Variants in CRADD observed in about 807,000 individuals in gnomAD.
The protein encoded by CRADD is death domain-containing protein CRADD.
In CRADD, 9 loss-of-function variants were observed where a neutral mutation model predicts 15.5. The observed-to-expected ratio is 0.58, with a 90% CI of 0.35 to 1.01. CRADD has a LOEUF of 1.01. CRADD is among the 50% of genes least tolerant of loss of function. The pLI, the probability that CRADD is intolerant of heterozygous loss-of-function variation, is 0.02. For missense variants in CRADD, 227 were observed against 250.3 expected (o/e 0.91, Z 0.63); for synonymous variants, 118 against 107.6 (o/e 1.10, Z -0.60).
intron 2 of CRADD, among the ~76,000 whole-genome samples, chr12:93,800,862 A>G (rs1957470180): frequency 1.3e-5 from 2 of 152,170 alleles, no homozygotes; most frequent in Non-Finnish European, 2.9e-5. Context: ...CTATCTGGGC[A>G]CCCCTTAAGC....
chr12:93,774,729 CAT>C (rs1197754698), intron 2 of CRADD, among the ~76,000 whole-genome samples: 1 of 152,172 alleles, frequency 6.6e-6, no homozygotes, highest in East Asian at 1.9e-4. Flanking sequence ...CTCACTCACT[CAT>C]GTGTTTAAAT....
chr12:93,683,061 G>C (rs1313239795), intron 2 of CRADD, among the ~76,000 whole-genome samples: 1 of 152,180 alleles, frequency 6.6e-6, no homozygotes, highest in African/African-American at 2.4e-5. Flanking sequence ...GGACAGTGCC[G>C]TGTCTGGGTG....
chr12:93,870,413 C>T (rs2137065777), intron 2 of CRADD, among the ~76,000 whole-genome samples: 1 of 152,244 alleles, frequency 6.6e-6, no homozygotes, highest in South Asian at 2.1e-4. Flanking sequence ...AGGACGGGAC[C>T]TTCCTCTCCC....
In CRADD at chr12:93,885,085, G is replaced by C. The variant is rs141591374; in HGVS notation, c.299-8965G>C. Among the ~76,000 whole-genome samples, 34 of 152,286 alleles carry C rather than the reference G, an allele frequency of 2.2e-4. No individual in the cohort carries two copies. The East Asian group carries it at 6.6e-3, about 29-fold the overall frequency. ...GACAAGTCCTTTTTCCTGTACAGAA[G>C]GTATTGTCTTCCCTGTTTTTCGTAT... On this transcript the variant is annotated intron_variant, in intron 2 of 2. Transcript: ENST00000548483.
At chr12:93,846,617 C>CACACAT (rs1555228801) in intron 2 of CRADD, 2,734 of 151,690 alleles carry the variant, frequency 0.018, 62 homozygotes, top group African/African-American at 0.047. Flanking sequence ...CACACACACA[C>CACACAT]ACACACACGA....
At chr12:93,738,491 C>A (rs1481760273) in intron 2 of CRADD, 1 of 702,092 alleles carries the variant, frequency 1.4e-6, no homozygotes, top group South Asian at 1.5e-5. Context: ...GGCCCCTTCA[C>A]TGGGACTGCA....
intron 2 of CRADD, among the ~76,000 whole-genome samples, chr12:93,823,090 C>T (rs1007505206): frequency 2.6e-5 from 4 of 152,104 alleles, no homozygotes; most frequent in Non-Finnish European, 5.9e-5. Context: ...GTCAGGAGTT[C>T]GAGACTAGCC....
intron 2 of CRADD, among the ~76,000 whole-genome samples, chr12:93,820,411 C>T (rs138505614): frequency 3.3e-4 from 50 of 152,010 alleles, no homozygotes; most frequent in East Asian, 1.9e-3. Flanking sequence ...TAGCTGGGCA[C>T]GGTGGTTGGC....
At chr12:93,836,434 C>G (rs1352485154) in intron 2 of CRADD, among the ~76,000 whole-genome samples, 1 of 152,134 alleles carries the variant, frequency 6.6e-6, no homozygotes, top group African/African-American at 2.4e-5. Context: ...TACCCAGAAG[C>G]CTTCTTGGGG....
At chr12:93,862,221 C>T (rs1482968359) in intron 2 of CRADD, among the ~76,000 whole-genome samples, 2 of 152,166 alleles carry the variant, frequency 1.3e-5, no homozygotes, top group Non-Finnish European at 2.9e-5. Context: ...GGAAATGTTT[C>T]CAGCAGTATT....
chr12:93,888,357 G>A lies in CRADD; in HGVS notation c.299-5693G>A, dbSNP rs185148979. Among the ~76,000 whole-genome samples the A allele has an allele frequency of 7.1e-3, 1,073 of 151,528 alleles. 11 individuals are homozygous for A. Among genetic ancestry groups the A allele is most frequent in the African/African-American group, 0.024 (990 of 41,230 alleles). On this transcript the variant is annotated intron_variant, in intron 2 of 2. Transcript: ENST00000548483. ...GGAGAATGGCATGAACCCGGGAGGC[G>A]GAGCTTGCAGTGAGCCGAGATCGTG...
At chr12:93,845,678 G>A (rs1241174504) in intron 2 of CRADD, among the ~76,000 whole-genome samples, 2 of 151,990 alleles carry the variant, frequency 1.3e-5, no homozygotes, top group Non-Finnish European at 2.9e-5. Flanking sequence ...AACCTCACAA[G>A]TATTTTATGC....
chr12:93,793,991 CT>C (rs1371438385), intron 2 of CRADD, among the ~76,000 whole-genome samples: 2 of 152,224 alleles, frequency 1.3e-5, no homozygotes, highest in Non-Finnish European at 2.9e-5. Context: ...CTGAAATTAC[CT>C]TTTTAAGGGT....
At chr12:93,715,210 C>T (rs986463061) in intron 2 of CRADD, among the ~76,000 whole-genome samples, 1 of 152,110 alleles carries the variant, frequency 6.6e-6, no homozygotes, top group South Asian at 2.1e-4. Context: ...ATTGAAATTA[C>T]TCATAGGGTA....
At chr12:93,811,741 A>G (rs1008993920) in intron 2 of CRADD, among the ~76,000 whole-genome samples, 31 of 152,194 alleles carry the variant, frequency 2.0e-4, no homozygotes, top group Admixed American at 1.7e-3. Flanking sequence ...TTCTTATACA[A>G]CTAAACATAC....
At chr12:93,789,073 CT>C (rs538518503) in intron 2 of CRADD, among the ~76,000 whole-genome samples, 1 of 151,692 alleles carries the variant, frequency 6.6e-6, no homozygotes, top group African/African-American at 2.4e-5. Context: ...GTGGTGGTTC[CT>C]TTTTTTTATT....
intron 2 of CRADD, among the ~76,000 whole-genome samples, chr12:93,712,584 T>C (rs1956093862): frequency 6.6e-6 from 1 of 152,174 alleles, no homozygotes; most frequent in Non-Finnish European, 1.5e-5. Flanking sequence ...GGGTTTTGGA[T>C]TTTTGATCCA....
intron 2 of CRADD, among the ~76,000 whole-genome samples, chr12:93,880,527 T>C (rs1958490242): frequency 6.6e-6 from 1 of 152,190 alleles, no homozygotes; most frequent in Non-Finnish European, 1.5e-5. Context: ...CTTTTTCATT[T>C]TGCTTCTTCT....
intron 2 of CRADD, among the ~76,000 whole-genome samples, chr12:93,743,840 A>T (rs1956715636): frequency 1.3e-5 from 2 of 152,210 alleles, no homozygotes; most frequent in African/African-American, 4.8e-5. Flanking sequence ...TATGTTAGCA[A>T]CATTTTTTTT....
Sources: allele counts gnomAD v4.1 joint callset (sites outside exome capture counted in the v4.1 genomes callset), GRCh38; gene constraint gnomAD v4.1.1; transcripts MANE v1.5; gene names NCBI Gene and HGNC (gene_info 2026-07-23, HGNC 2026-07-21).